Variants in NCOR2 observed in about 807,000 individuals in gnomAD.
NCOR2 encodes the protein CTG repeat protein 26.
In NCOR2, 81 loss-of-function variants were observed where a neutral mutation model predicts 262.9. That is an observed-to-expected ratio of 0.31 (90% CI 0.26 to 0.37). NCOR2 has a LOEUF of 0.37. NCOR2 is among the 10% of genes least tolerant of loss of function. The pLI, the probability that NCOR2 is intolerant of heterozygous loss-of-function variation, is 1.00. For missense variants in NCOR2, 3,385 were observed against 3,621.4 expected, an observed-to-expected ratio of 0.93 and a Z score of 1.68; for synonymous variants, 1,659 against 1,559.3, an observed-to-expected ratio of 1.06 and a Z score of -1.51.
At chr12:124,367,846 C>T (rs530843090) in intron 20 of NCOR2, among the ~76,000 whole-genome samples, 1 of 152,238 alleles carries the variant, frequency 6.6e-6, no homozygotes, top group Non-Finnish European at 1.5e-5. Flanking sequence ...GTTGGTCAGG[C>T]TGGTCTCAAA....
intron 17 of NCOR2, among the ~76,000 whole-genome samples, chr12:124,381,246 T>C (rs2135758): frequency 0.2 from 30,871 of 152,060 alleles, 3,518 homozygotes; most frequent in African/African-American, 0.27. Flanking sequence ...ACAGGGCCTC[T>C]ACACTGGCTG....
chr12:124,550,404 C>T (rs539232637), intron 1 of NCOR2, among the ~76,000 whole-genome samples: 1 of 152,310 alleles, frequency 6.6e-6, no homozygotes, highest in Non-Finnish European at 1.5e-5. Flanking sequence ...CAAATACCTG[C>T]CCCATCCTTC....
In NCOR2 at chr12:124,324,551, C is replaced by T. The variant is rs535068769; in HGVS notation, c.*851G>A. The T allele has an allele frequency of 3.1e-3, 465 of 152,440 alleles. 4 individuals are homozygous for T. The highest frequency in any genetic ancestry group is 3.8e-3 in the Non-Finnish European group (259 of 68,032). The allele number at this position is 152,440 out of a possible 1,614,324, so 9.4% of individuals were successfully genotyped here. ...GGGAGGGAGGGAGGACACAGCGGGGCGTGAGCCAGCAGTCCCCGCCCCCTT... is the reference window on the plus strand; with the variant it reads ...GGGAGGGAGGGAGGACACAGCGGGGTGTGAGCCAGCAGTCCCCGCCCCCTT... On this transcript the variant is annotated 3_prime_UTR_variant, in exon 47 of 47. Transcript: ENST00000405201.
At chr12:124,528,082 C>T (rs76670309) in intron 1 of NCOR2, among the ~76,000 whole-genome samples, 6,310 of 152,250 alleles carry the variant, frequency 0.041, 170 homozygotes, top group East Asian at 0.11. Context: ...ATCCCTTCCA[C>T]GACTGCCATA....
At chr12:124,487,972 T>A (rs992489050) in intron 1 of NCOR2, among the ~76,000 whole-genome samples, 4 of 152,082 alleles carry the variant, frequency 2.6e-5, no homozygotes, top group Non-Finnish European at 5.9e-5. Flanking sequence ...TCTGTCTGCC[T>A]GGAACACTCA....
At chr12:124,424,682 C>T (rs1380481533) in intron 11 of NCOR2, among the ~76,000 whole-genome samples, 2 of 152,234 alleles carry the variant, frequency 1.3e-5, no homozygotes, top group Non-Finnish European at 2.9e-5. Flanking sequence ...CACCCCATCC[C>T]TTAGGTCCTG....
intron 1 of NCOR2, among the ~76,000 whole-genome samples, chr12:124,547,718 T>A (rs993838601): frequency 6.6e-6 from 1 of 152,104 alleles, no homozygotes; most frequent in African/African-American, 2.4e-5. Context: ...TCTGTCTCCA[T>A]GGGTTTGCCT....
intron 5 of NCOR2, among the ~76,000 whole-genome samples, chr12:124,464,907 G>A (rs1022896137): frequency 6.6e-6 from 1 of 152,202 alleles, no homozygotes; most frequent in Non-Finnish European, 1.5e-5. Flanking sequence ...AGTGGTGCTT[G>A]GGGTGAGGGG....
At chr12:124,555,167 G>C (rs1309858888) in intron 1 of NCOR2, among the ~76,000 whole-genome samples, 1 of 152,186 alleles carries the variant, frequency 6.6e-6, no homozygotes, top group African/African-American at 2.4e-5. Flanking sequence ...GGCCACACCG[G>C]GTTATTGTGA....
chr12:124,336,628 G>A (rs1246053441), intron 38 of NCOR2, 125 bp downstream of exon 40: 12 of 1,497,304 alleles, frequency 8.0e-6, no homozygotes, highest in South Asian at 4.0e-5. Flanking sequence ...GGTGCGGGCC[G>A]GAAGTCTTAC....
chr12:124,501,070 A>G (rs112993502), intron 1 of NCOR2, among the ~76,000 whole-genome samples: 9,981 of 39,406 alleles, frequency 0.25, 688 homozygotes, highest in African/African-American at 0.36. Context: ...GCGCACACAC[A>G]CACACACACA....
chr12:124,520,916 G>A (rs1048828951), intron 1 of NCOR2, among the ~76,000 whole-genome samples: 8 of 152,174 alleles, frequency 5.3e-5, no homozygotes, highest in South Asian at 2.1e-4. Flanking sequence ...ATGATTCACC[G>A]CAGGCCACAG....
At chr12:124,404,560 G>A (rs2042168375) in intron 13 of NCOR2, among the ~76,000 whole-genome samples, 1 of 152,204 alleles carries the variant, frequency 6.6e-6, no homozygotes, top group African/African-American at 2.4e-5. Context: ...GTCTGCTCCG[G>A]CATGGCCAGT....
exon 5 of NCOR2, chr12:124,466,191 G>C (rs991784498): frequency 6.2e-7 from 1 of 1,609,242 alleles, no homozygotes; most frequent in East Asian, 2.3e-5. Flanking sequence ...CGTCGTAGAT[G>C]ATCTGCACCA....
rs549753127 is a variant in NCOR2 at position 124,427,198 on chromosome 12, C to T, written c.1150-398G>A. ...CCAGGTTCCGCAGGCAAGAGTGGGCCCTGGGGTCCAGCTGGCCCCACAGCA... is the reference window on the plus strand; with the variant it reads ...CCAGGTTCCGCAGGCAAGAGTGGGCTCTGGGGTCCAGCTGGCCCCACAGCA... On this transcript the variant is annotated intron_variant, in intron 10 of 46. Transcript: ENST00000405201. 2.9e-4 allele frequency among the ~76,000 whole-genome samples: 44 copies of T among 152,222 alleles called. No homozygotes were observed. In the South Asian group the frequency reaches 7.9e-3, roughly 27 times the overall value.
At chr12:124,534,107 A>C (rs1487536418) in intron 1 of NCOR2, among the ~76,000 whole-genome samples, 1 of 152,164 alleles carries the variant, frequency 6.6e-6, no homozygotes, top group East Asian at 1.9e-4. Flanking sequence ...TGACTCCCAC[A>C]GGCAGCTAGA....
intron 43 of NCOR2, among the ~76,000 whole-genome samples, chr12:124,331,294 C>G (rs1006569081): frequency 6.6e-6 from 1 of 152,034 alleles, no homozygotes; most frequent in African/African-American, 2.4e-5. Flanking sequence ...AACTCCTGAC[C>G]TCATATGATC....
chr12:124,537,562 G>A (rs984996687), upstream of NCOR2, among the ~76,000 whole-genome samples: 2 of 152,196 alleles, frequency 1.3e-5, no homozygotes, highest in African/African-American at 2.4e-5. Context: ...AAATGGAAAC[G>A]ATCATTTTAA....
At chr12:124,436,137 T>A (rs2044325312) in intron 8 of NCOR2, among the ~76,000 whole-genome samples, 1 of 152,256 alleles carries the variant, frequency 6.6e-6, no homozygotes, top group Non-Finnish European at 1.5e-5. Flanking sequence ...CCGTGACTAC[T>A]GGCATCCAGG....
Sources: allele counts gnomAD v4.1 joint callset (sites outside exome capture counted in the v4.1 genomes callset), GRCh38; gene constraint gnomAD v4.1.1; transcripts MANE v1.5; gene names NCBI Gene and HGNC (gene_info 2026-07-23, HGNC 2026-07-21).